The following EML6 variants were observed in gnomAD, a reference collection of about 807,000 sequenced individuals.
EML6 encodes EMAP like 6, also known as echinoderm microtubule-associated protein-like 6.
Under a neutral mutation model 240.1 loss-of-function variants are expected in EML6, and 154 were observed. That is an observed-to-expected ratio of 0.64 (90% CI 0.56 to 0.73). EML6 has a LOEUF of 0.73. Ranked by LOEUF, EML6 falls within the 30% of genes least tolerant of loss-of-function variation. EML6 has a pLI of 0.00. For missense variants in EML6, 2,964 were observed against 2,474.6 expected (o/e 1.20, Z -4.20); for synonymous variants, 1,148 against 899.0 (o/e 1.28, Z -4.95).
chr2:54,758,679 T>C (rs1404505127), intron 2 of EML6, among the ~76,000 whole-genome samples: 1 of 152,208 alleles, frequency 6.6e-6, no homozygotes, highest in Non-Finnish European at 1.5e-5. Flanking sequence ...CATGTTATCT[T>C]GTTCACTGTT....
At chr2:54,817,844 G>A (rs1039827566) in intron 4 of EML6, among the ~76,000 whole-genome samples, 7 of 150,298 alleles carry the variant, frequency 4.7e-5, no homozygotes, top group African/African-American at 1.7e-4. Context: ...GATCTATGGA[G>A]GTTTGTAGTT....
intron 2 of EML6, among the ~76,000 whole-genome samples, chr2:54,732,616 T>C (rs969397065): frequency 3.3e-5 from 5 of 152,230 alleles, no homozygotes; most frequent in African/African-American, 4.8e-5. Flanking sequence ...GGGGACTAAC[T>C]TCTCCCATGT....
At chr2:54,754,121 C>T (rs560784433) in intron 2 of EML6, among the ~76,000 whole-genome samples, 2 of 150,754 alleles carry the variant, frequency 1.3e-5, no homozygotes, top group African/African-American at 4.9e-5. Context: ...GGAGACAGAG[C>T]GAGACTCCGT....
intron 2 of EML6, among the ~76,000 whole-genome samples, chr2:54,751,501 GA>G (rs371372340): frequency 6.7e-5 from 10 of 149,386 alleles, no homozygotes; most frequent in East Asian, 1.9e-4. Context: ...TCCAGAAAAA[GA>G]AAAAAAAATA....
At chr2:54,938,047 G>A (rs544276894) in intron 28 of EML6, among the ~76,000 whole-genome samples, 2 of 152,210 alleles carry the variant, frequency 1.3e-5, no homozygotes, top group Non-Finnish European at 2.9e-5. Flanking sequence ...AAAAGTGATT[G>A]TATAAAAGTT....
chr2:54,906,915 T>C (rs1373235609), intron 24 of EML6, among the ~76,000 whole-genome samples: 1 of 152,228 alleles, frequency 6.6e-6, no homozygotes, highest in Middle Eastern at 3.2e-3. Context: ...TTCTGTTTCA[T>C]GCCTTTGATC....
rs1475065387 is a variant in EML6 at position 54,816,737 on chromosome 2, G to T, written c.358-50G>T. 1.1e-5 allele frequency: 15 copies of T among 1,320,710 alleles called. No individual in the cohort carries two copies. The African/African-American group carries it at 1.2e-4, about 10-fold the overall frequency. The allele number at this position is 1,320,710 out of a possible 1,614,324, so 81.8% of individuals were successfully genotyped here. Reference sequence around the variant, plus strand: ...ATAGTAACTATTTCTTAACGTGTCAGTAAGTCTTCCCATCACTTTTAGGTA... The same window carrying T: ...ATAGTAACTATTTCTTAACGTGTCATTAAGTCTTCCCATCACTTTTAGGTA... On this transcript the variant is annotated intron_variant, in intron 3 of 41. Transcript: ENST00000356458.
intron 2 of EML6, among the ~76,000 whole-genome samples, chr2:54,751,480 G>C (rs1684161069): frequency 6.6e-6 from 1 of 152,036 alleles, no homozygotes; most frequent in African/African-American, 2.4e-5. Context: ...GATTAAATTA[G>C]AGCTTCTGCT....
rs1673166426 is a variant in EML6 at position 54,903,484 on chromosome 2, A to G, written c.3391A>G (p.Ile1131Val). 6.4e-7 allele frequency: 1 copy of G among 1,551,450 alleles called. No individual in the cohort carries two copies. Among genetic ancestry groups the G allele is most frequent in the Non-Finnish European group, 8.7e-7 (1 of 1,146,860 alleles). The change falls in exon 24 of 42, where the codon ATT becomes GTT. Residue 1131 changes from isoleucine (I) to valine (V), a missense_variant. Ile to Val is a conservative substitution (Grantham distance 29). Transcript: ENST00000356458. The stretch of plus-strand genomic sequence containing the variant: ...AGGTGCTTCTAGTTATATTACACAC[A>G]TTGACTGGGACTCTAGAGGTAAAGT... ...CKGASSYITH[I>V]DWDSRGKLLQ...
At chr2:54,960,409 C>A (rs983032706) in intron 35 of EML6, 75 bp downstream of exon 35, 8 of 1,101,972 alleles carry the variant, frequency 7.3e-6, no homozygotes, top group Admixed American at 6.0e-5. Flanking sequence ...CCGGCACTTT[C>A]TCTGGGCTGG....
At chr2:54,893,690 C>G (rs552178800) in intron 19 of EML6, among the ~76,000 whole-genome samples, 1 of 152,176 alleles carries the variant, frequency 6.6e-6, no homozygotes, top group African/African-American at 2.4e-5. Context: ...CATCTGTGCC[C>G]TCTGACCTCC....
intron 2 of EML6, among the ~76,000 whole-genome samples, chr2:54,763,772 G>A (rs187005059): frequency 6.6e-6 from 1 of 152,204 alleles, no homozygotes; most frequent in African/African-American, 2.4e-5. Context: ...GCTTCAGCAG[G>A]CCTGGCAGGG....
chr2:54,970,362 T>A lies in EML6; in HGVS notation c.*267T>A. The A allele has an allele frequency of 2.3e-6, 1 of 438,882 alleles. No individual in the cohort carries two copies. Among genetic ancestry groups the A allele is most frequent in the Non-Finnish European group, 4.1e-6 (1 of 243,010 alleles). The allele number at this position is 438,882 out of a possible 1,614,324, so 27.2% of individuals were successfully genotyped here. A position where few individuals can be genotyped will look rare whatever the true frequency, so the allele number is the denominator to read the frequency against. On this transcript the variant is annotated 3_prime_UTR_variant, in exon 42 of 42. Coordinates refer to ENST00000356458, the MANE Select transcript of EML6 (RefSeq NM_001039753.4). ...GAGACTAAACAGTATACATACTAAC[T>A]ACATTGACAAAGAAATCCTATCTGA...
Position 54,950,781 on chromosome 2 carries a change from T to A in EML6, c.4213+2T>A, listed in dbSNP as rs1573204585. ...GCATCGTTCAGAACCTCTCCACAGG[T>A]AACCGGGGGTTAAAAAATACAGGTT... is the stretch of plus-strand genomic sequence containing the variant. On this transcript the variant is annotated splice_donor_variant, in intron 30 of 41. Transcript: ENST00000356458. LOFTEE classifies it high-confidence loss of function. 6.5e-7 allele frequency: 1 copy of A among 1,546,214 alleles called. No homozygotes were observed.
At chr2:54,892,144 G>GA (rs1672503977) in intron 18 of EML6, among the ~76,000 whole-genome samples, 1 of 152,180 alleles carries the variant, frequency 6.6e-6, no homozygotes, top group South Asian at 2.1e-4. Flanking sequence ...GTCTTGGACT[G>GA]AGATGCATAT....
intron 41 of EML6, among the ~76,000 whole-genome samples, chr2:54,969,846 A>G (rs528565501): frequency 6.6e-6 from 1 of 152,334 alleles, no homozygotes; most frequent in South Asian, 2.1e-4. Flanking sequence ...CAGACATTCA[A>G]ACTGCTGAAA....
At chr2:54,799,607 T>A (rs1246743294) in intron 2 of EML6, among the ~76,000 whole-genome samples, 1 of 152,216 alleles carries the variant, frequency 6.6e-6, no homozygotes, top group Non-Finnish European at 1.5e-5. Context: ...CCTCCCAAAG[T>A]GCTGGGATTA....
chr2:54,929,017 C>T (rs1207888257), intron 28 of EML6, among the ~76,000 whole-genome samples: 1 of 117,686 alleles, frequency 8.5e-6, no homozygotes, highest in Admixed American at 8.8e-5. Context: ...CTACACTTCT[C>T]CATGCCCAGA....
chr2:54,882,872 A>AAAAAAAAAAAAAAAAAAAAAAAAC, intron 17 of EML6: 1 of 126,086 alleles, frequency 7.9e-6, no homozygotes, highest in Non-Finnish European at 1.7e-5. Context: ...AAAAAAAAAA[A>AAAAAAAAAAAAAAAAAAAAAAAAC]AAGAAAGCTT....
Sources: allele counts gnomAD v4.1 joint callset (sites outside exome capture counted in the v4.1 genomes callset), GRCh38; gene constraint gnomAD v4.1.1; transcripts MANE v1.5; gene names NCBI Gene and HGNC (gene_info 2026-07-23, HGNC 2026-07-21).